The following CDK8 variants were observed in gnomAD, a reference collection of about 807,000 sequenced individuals.
The protein encoded by CDK8 is cyclin dependent kinase 8, also known as cyclin-dependent kinase 8.
Under a neutral mutation model 71.5 loss-of-function variants are expected in CDK8, and 29 were observed. The observed-to-expected ratio is 0.41, with a 90% CI of 0.30 to 0.55. The LOEUF (loss-of-function observed/expected upper bound fraction) is 0.55, where lower values mean the gene tolerates loss of function less well. CDK8 is among the 20% of genes least tolerant of loss of function. The pLI is 0.37. For synonymous variants in CDK8, 161 were observed against 192.1 expected (o/e 0.84, Z 1.34); for missense variants, 288 against 572.6 (o/e 0.50, Z 5.07).
At chr13:26,377,202 CCA>C in intron 4 of CDK8, among the ~76,000 whole-genome samples, 1 of 152,350 alleles carries the variant, frequency 6.6e-6, no homozygotes, top group South Asian at 2.1e-4. Context: ...CCTTTATCCC[CCA>C]ACAGGGGGTG....
At chr13:26,273,926 T>G (rs1186889537) in intron 1 of CDK8, among the ~76,000 whole-genome samples, 1 of 152,202 alleles carries the variant, frequency 6.6e-6, no homozygotes, top group Non-Finnish European at 1.5e-5. Flanking sequence ...GTGCACATTG[T>G]TTTGAAACCT....
chr13:26,312,249 G>A (rs1020150826), intron 1 of CDK8, among the ~76,000 whole-genome samples: 2 of 152,144 alleles, frequency 1.3e-5, no homozygotes, highest in Admixed American at 6.5e-5. Context: ...GCAGAATGTG[G>A]GTGGGGACAA....
intron 1 of CDK8, among the ~76,000 whole-genome samples, chr13:26,305,815 TC>T (rs1295404857): frequency 7.9e-5 from 12 of 152,198 alleles, no homozygotes; most frequent in African/African-American, 2.9e-4. Flanking sequence ...CTGTGTTCTA[TC>T]TTGAGGTACT....
chr13:26,370,727 T>C (rs1874624707), intron 4 of CDK8, among the ~76,000 whole-genome samples: 1 of 152,130 alleles, frequency 6.6e-6, no homozygotes, highest in Admixed American at 6.5e-5. Context: ...GGCCAAGAGA[T>C]TTACTCACTG....
rs1460879226 is a variant in CDK8, at chr13:26,397,220, C to T, written c.928C>T (p.His310Tyr). The T allele has an allele frequency of 2.5e-6, 4 of 1,586,962 alleles. No individual in the cohort carries two copies. The highest frequency in any genetic ancestry group is 2.6e-6 in the Non-Finnish European group (3 of 1,158,672). Residue 310 changes from histidine to tyrosine, a missense_variant, in exon 9 of 13, where the codon CAC becomes TAC. By Grantham distance (83) the His-to-Tyr change is moderately conservative. Transcript: ENST00000381527. Reference sequence around the variant, plus strand: ...AGTTAAACCAGATAGTAAAGCATTCCACTTGGTAAGCATTGGTTAACAGTA... The same window carrying T: ...AGTTAAACCAGATAGTAAAGCATTCTACTTGGTAAGCATTGGTTAACAGTA... ...HKVKPDSKAF[H>Y]LLQKLLTMDP...
At chr13:26,330,994 T>G (rs754884391) in intron 1 of CDK8, among the ~76,000 whole-genome samples, 3 of 152,198 alleles carry the variant, frequency 2.0e-5, no homozygotes, top group Non-Finnish European at 4.4e-5. Flanking sequence ...ATTTCGATTT[T>G]TAGCTTTTTG....
intron 1 of CDK8, among the ~76,000 whole-genome samples, chr13:26,258,492 G>GGTGT (rs56993639): frequency 0.058 from 8,517 of 147,468 alleles, 792 homozygotes; most frequent in African/African-American, 0.2. Context: ...TATCTAGAGG[G>GGTGT]GTGTGTGTGT....
chr13:26,391,280 A>AT (rs1332514063), intron 6 of CDK8, among the ~76,000 whole-genome samples: 3 of 152,080 alleles, frequency 2.0e-5, no homozygotes, highest in South Asian at 2.1e-4. Flanking sequence ...CTTTGCATAC[A>AT]TTTTTTCTGT....
chr13:26,306,624 T>A (rs936841737), intron 1 of CDK8, among the ~76,000 whole-genome samples: 1 of 113,534 alleles, frequency 8.8e-6, no homozygotes, highest in African/African-American at 7.0e-5. Flanking sequence ...TTATTGCTCT[T>A]TTTTTTTTTT....
intron 1 of CDK8, among the ~76,000 whole-genome samples, chr13:26,303,955 A>C (rs1873928127): frequency 1.3e-5 from 2 of 151,400 alleles, no homozygotes; most frequent in African/African-American, 4.9e-5. Context: ...CCCTCCTTTT[A>C]CTTTAACTCT....
rs1422077792 is a variant in CDK8 at position 26,339,757 on chromosome 13, AT to A, written c.204+2116del. ...ATTTATATAATTACTTAAAAAAAAAATATATATATATATATAGTGTAGTATA... is the reference window on the plus strand; with the variant it reads ...ATTTATATAATTACTTAAAAAAAAAAATATATATATATATAGTGTAGTATA... On this transcript the variant is annotated intron_variant, in intron 2 of 12. Coordinates refer to ENST00000381527, the MANE Select transcript of CDK8 (RefSeq NM_001260.3). Among the ~76,000 whole-genome samples, 94 of 70,392 alleles carry A rather than the reference AT, an allele frequency of 1.3e-3. 2 individuals carry two copies. Among genetic ancestry groups the A allele is most frequent in the African/African-American group, 2.5e-3 (47 of 19,066 alleles). 46.2% of individuals were successfully genotyped at this position (70,392 alleles called of 152,430 possible). A position where few individuals can be genotyped will look rare whatever the true frequency, so the allele number is the denominator to read the frequency against.
chr13:26,354,303 C>T (rs975743647), intron 4 of CDK8, among the ~76,000 whole-genome samples: 1 of 151,794 alleles, frequency 6.6e-6, no homozygotes, highest in African/African-American at 2.4e-5. Context: ...ATTTTAAGCC[C>T]CTCTATATTA....
intron 4 of CDK8, among the ~76,000 whole-genome samples, chr13:26,371,330 C>T (rs1874673561): frequency 6.6e-6 from 1 of 152,088 alleles, no homozygotes; most frequent in African/African-American, 2.4e-5. Context: ...AATGACATTC[C>T]TGATTTTTTC....
In CDK8 at chr13:26,346,055, T is replaced by C. The variant is rs566243882; in HGVS notation, c.205-3017T>C. 5.3e-5 allele frequency among the ~76,000 whole-genome samples: 8 copies of C among 152,322 alleles called. No individual in the cohort carries two copies. The South Asian group carries it at 1.7e-3, about 32-fold the overall frequency. On this transcript the variant is annotated intron_variant, in intron 2 of 12. Coordinates refer to ENST00000381527, the MANE Select transcript of CDK8 (RefSeq NM_001260.3). Reference sequence around the variant, plus strand: ...TGTTAGCTCTTGGGAGGTATTGGTATTAGACCATAGTAGTTACAAGTACTG... The same window carrying C: ...TGTTAGCTCTTGGGAGGTATTGGTACTAGACCATAGTAGTTACAAGTACTG...
At chr13:26,287,431 G>A (rs1009956821) in intron 1 of CDK8, among the ~76,000 whole-genome samples, 2 of 152,184 alleles carry the variant, frequency 1.3e-5, no homozygotes, top group Admixed American at 1.3e-4. Context: ...AACCTGGATG[G>A]AGTCGGAGAC....
At chr13:26,288,318 A>G (rs761224913) in intron 1 of CDK8, among the ~76,000 whole-genome samples, 2 of 152,116 alleles carry the variant, frequency 1.3e-5, no homozygotes, top group African/African-American at 2.4e-5. Context: ...TATTTAGGAA[A>G]TTGTTACCTA....
chr13:26,255,016 G>GGCT, intron 1 of CDK8, among the ~76,000 whole-genome samples: 1 of 152,196 alleles, frequency 6.6e-6, no homozygotes, highest in East Asian at 1.9e-4. Flanking sequence ...CTGCACCGTG[G>GGCT]GCTGTATACT....
chr13:26,306,203 C>T (rs1405111584), intron 1 of CDK8, among the ~76,000 whole-genome samples: 4 of 152,154 alleles, frequency 2.6e-5, no homozygotes, highest in Admixed American at 6.5e-5. Flanking sequence ...TTCAGGGTCT[C>T]AACCAAAAGT....
rs748157192 is a variant in CDK8, at chr13:26,349,093, C to A, written c.226C>A (p.Pro76Thr). ...GCAGTTACTTCGAGAGCTTAAGCAT[C>A]CAAACGTCATTTCTCTTCAAAAGGT... ...EIALLRELKHPNVISLQKVFL... is the reference protein window; with the variant it reads ...EIALLRELKHTNVISLQKVFL... Residue 76 changes from proline (P) to threonine (T), a missense_variant, in exon 3 of 13, where the codon CCA becomes ACA. Pro to Thr is a conservative substitution (Grantham distance 38). Around this residue, in one of 6 missense-constraint regions of CDK8, gnomAD observed 95 missense variants for 177.3 expected, o/e 0.54. Transcript: ENST00000381527. 3 of 1,611,098 alleles carry A rather than the reference C, an allele frequency of 1.9e-6. No homozygotes were observed. Among genetic ancestry groups the A allele is most frequent in the Non-Finnish European group, 2.5e-6 (3 of 1,177,648 alleles).
Sources: gnomAD v4.1 joint callset for allele counts (sites outside exome capture counted in the v4.1 genomes callset) on GRCh38, gnomAD v4.1.1 for gene constraint, gnomAD v4.1.1 regional missense constraint, MANE v1.5 for transcripts, NCBI Gene and HGNC (gene_info 2026-07-23, HGNC 2026-07-21) for gene names.